Variants in AR observed in about 807,000 individuals in gnomAD.
AR encodes dihydrotestosterone receptor.
Under a neutral mutation model 53.9 loss-of-function variants are expected in AR, and 8 were observed. The ratio of observed to expected loss-of-function variants is 0.15; its 90% CI spans 0.09 to 0.27. The LOEUF (loss-of-function observed/expected upper bound fraction) is 0.27. AR is among the 10% of genes least tolerant of loss of function. AR has a pLI of 1.00. For synonymous variants in AR, 359 were observed against 316.4 expected (o/e 1.13, Z -1.43); for missense variants, 639 against 742.5 (o/e 0.86, Z 1.62).
At position 67,655,624 on chromosome X, in the gene AR, G is replaced by C. The variant is rs147555411; in HGVS notation, c.1768+12217G>C. Among the ~76,000 whole-genome samples, 821 of 111,055 alleles carry C rather than the reference G, an allele frequency of 7.4e-3. 5 individuals are homozygous for C. The highest frequency in any genetic ancestry group is 0.011 in the Non-Finnish European group (601 of 53,007). ...TACCCAAGAATTCTATTGATATAAA[G>C]GTAAAAAACTTGATCTTAGGTCTAA... On this transcript the variant is annotated intron_variant, in intron 2 of 7. Coordinates refer to ENST00000374690, the MANE Select transcript of AR (RefSeq NM_000044.6).
At position 67,730,525 on chromosome X, in the gene AR, C is replaced by T. The variant is rs1006996964; in HGVS notation, c.*6684C>T. ...ACATCCCCTGTTATGGCTGCAGGAT[C>T]GAGTTATTGTTAACAAAGAGACCCA... On this transcript the variant is annotated 3_prime_UTR_variant, in exon 8 of 8. Transcript: ENST00000374690. 9.4e-5 allele frequency: 16 copies of T among 170,692 alleles called. No individual in the cohort carries two copies. Among genetic ancestry groups the T allele is most frequent in the African/African-American group, 4.5e-4 (15 of 33,553 alleles). The allele number at this position is 170,692 out of a possible 1,213,427, so 14.1% of individuals were successfully genotyped here. A position where few individuals can be genotyped will look rare whatever the true frequency, so the allele number is the denominator to read the frequency against.
Position 67,676,069 on chromosome X carries a change from GA to G in AR, c.1769-9937del, listed in dbSNP as rs780623707. 4.3e-3 allele frequency among the ~76,000 whole-genome samples: 486 copies of G among 112,248 alleles called. 2 individuals carry two copies. Among genetic ancestry groups the G allele is most frequent in the African/African-American group, 0.015 (465 of 30,885 alleles). ...AAAGATCAAAGGTGATAATGCTTTT[GA>G]AAACACTATAGAAAATGACAAAATA... On this transcript the variant is annotated intron_variant, in intron 2 of 7. Coordinates refer to ENST00000374690, the MANE Select transcript of AR (RefSeq NM_000044.6).
At chrX:67,655,457 A>G (rs1347491236) in intron 2 of AR, among the ~76,000 whole-genome samples, 1 of 111,402 alleles carries the variant, frequency 9.0e-6, no homozygotes, top group Non-Finnish European at 1.9e-5. Flanking sequence ...GCAACTTGAC[A>G]ATGACTAGCC....
chrX:67,684,265 A>G (rs1328555820), intron 2 of AR, among the ~76,000 whole-genome samples: 3 of 111,982 alleles, frequency 2.7e-5, no homozygotes, highest in Non-Finnish European at 3.8e-5. Flanking sequence ...CTTTCTGTGC[A>G]CATATGGTAG....
intron 2 of AR, among the ~76,000 whole-genome samples, chrX:67,664,530 G>A (rs1250046256): frequency 3.6e-5 from 4 of 112,022 alleles, no homozygotes; most frequent in Non-Finnish European, 7.5e-5. Flanking sequence ...GCCCCTACTT[G>A]GGGGTGCCTC....
At chrX:67,668,196 G>T (rs1332644855) in intron 2 of AR, among the ~76,000 whole-genome samples, 1 of 111,714 alleles carries the variant, frequency 9.0e-6, no homozygotes, top group Non-Finnish European at 1.9e-5. Context: ...TACTAGCTAT[G>T]GGTCTGTCAT....
At chrX:67,561,835 G>T (rs781420356) in intron 1 of AR, among the ~76,000 whole-genome samples, 6 of 109,852 alleles carry the variant, frequency 5.5e-5, no homozygotes, top group African/African-American at 2.0e-4. Context: ...GTACCTGAAG[G>T]ATTATCATGG....
chrX:67,623,567 C>T (rs1924476375), intron 1 of AR, among the ~76,000 whole-genome samples: 1 of 111,193 alleles, frequency 9.0e-6, no homozygotes, highest in African/African-American at 3.3e-5. Flanking sequence ...AATCAAGAAC[C>T]TAACCTTCCA....
intron 3 of AR, among the ~76,000 whole-genome samples, chrX:67,708,491 C>T (rs2076078870): frequency 8.9e-6 from 1 of 111,946 alleles, no homozygotes; most frequent in Non-Finnish European, 1.9e-5. Context: ...TTTTCAGCTC[C>T]ATCAGGTCAT....
chrX:67,574,191 G>A (rs1921946264), intron 1 of AR, among the ~76,000 whole-genome samples: 1 of 111,698 alleles, frequency 9.0e-6, no homozygotes, highest in South Asian at 3.7e-4. Flanking sequence ...CACCCATAGA[G>A]GGTAGTTTGA....
chrX:67,631,095 T>G (rs1456106557), intron 1 of AR, among the ~76,000 whole-genome samples: 4 of 111,272 alleles, frequency 3.6e-5, no homozygotes, highest in South Asian at 3.8e-4. Flanking sequence ...TTTCAACTTT[T>G]TTGAATCTGA....
intron 1 of AR, among the ~76,000 whole-genome samples, chrX:67,628,403 T>C (rs1924827027): frequency 9.7e-6 from 1 of 102,816 alleles, no homozygotes; most frequent in African/African-American, 3.3e-5. Flanking sequence ...GAAGCAATTG[T>C]GAATGGGAGT....
intron 1 of AR, among the ~76,000 whole-genome samples, chrX:67,598,472 G>A (rs1923186030): frequency 9.1e-6 from 1 of 110,056 alleles, no homozygotes; most frequent in African/African-American, 3.3e-5. Context: ...GTAGAGACGG[G>A]GTTTCACCAT....
At chrX:67,619,817 T>C (rs756231475) in intron 1 of AR, among the ~76,000 whole-genome samples, 4 of 110,282 alleles carry the variant, frequency 3.6e-5, no homozygotes, top group African/African-American at 1.3e-4. Context: ...GGTAGGGGAT[T>C]TTTTAGTCTC....
At chrX:67,630,634 T>A in intron 1 of AR, among the ~76,000 whole-genome samples, 1 of 111,288 alleles carries the variant, frequency 9.0e-6, no homozygotes, top group East Asian at 2.8e-4. Context: ...ATTTAGTCCA[T>A]TTACATTTAA....
intron 4 of AR, 45 bp from the exon 5 acceptor site, chrX:67,717,433 C>T (rs186051975): frequency 4.1e-6 from 5 of 1,205,088 alleles, no homozygotes; most frequent in African/African-American, 3.5e-5. Context: ...TAGCTCAACC[C>T]GTCAGTACCC....
chrX:67,723,312 C>CTCTCTGTG (rs1555997940), intron 7 of AR, among the ~76,000 whole-genome samples: 11 of 78,020 alleles, frequency 1.4e-4, no homozygotes, highest in African/African-American at 4.3e-4. Flanking sequence ...GTTTGTCTGT[C>CTCTCTGTG]TGTGTGTGTG....
At chrX:67,652,487 G>A (rs1272266561) in intron 2 of AR, among the ~76,000 whole-genome samples, 2 of 112,100 alleles carry the variant, frequency 1.8e-5, no homozygotes, top group Non-Finnish European at 3.8e-5. Flanking sequence ...AAAAAATCTG[G>A]TCAAACCATT....
chrX:67,657,855 T>C (rs1218820030), intron 2 of AR, among the ~76,000 whole-genome samples: 1 of 112,158 alleles, frequency 8.9e-6, no homozygotes, highest in Non-Finnish European at 1.9e-5. Context: ...TCAGGTTGTA[T>C]TCATGTCCTT....
Sources: gnomAD v4.1 joint callset for allele counts (sites outside exome capture counted in the v4.1 genomes callset) on GRCh38, gnomAD v4.1.1 for gene constraint, MANE v1.5 for transcripts, NCBI Gene and HGNC (gene_info 2026-07-23, HGNC 2026-07-21) for gene names.